NKAIN3: variants seen among roughly 807,000 people sequenced by gnomAD.
The protein encoded by NKAIN3 is sodium/potassium transporting ATPase interacting 3.
A neutral mutation model predicts 30.2 loss-of-function variants in NKAIN3; 25 were observed. The ratio of observed to expected loss-of-function variants is 0.83; its 90% confidence interval spans 0.60 to 1.16. The LOEUF (loss-of-function observed/expected upper bound fraction) is 1.16, where lower values mean the gene tolerates loss of function less well. Among genes scored for constraint, NKAIN3 ranks in the 50% most tolerant of loss-of-function variants. NKAIN3 has a pLI of 0.00. For missense variants in NKAIN3, 225 were observed against 254.1 expected (o/e 0.89, Z 0.78); for synonymous variants, 91 against 89.6 (o/e 1.02, Z -0.09).
chr8:62,677,754 C>T (rs566806834), intron 3 of NKAIN3, among the ~76,000 whole-genome samples: 15 of 152,310 alleles, frequency 9.8e-5, no homozygotes, highest in Admixed American at 3.3e-4. Flanking sequence ...CTCTCACTTC[C>T]GCTCTTCTAG....
intron 1 of NKAIN3, among the ~76,000 whole-genome samples, chr8:62,371,371 C>T (rs893413199): frequency 6.6e-6 from 1 of 151,616 alleles, no homozygotes; most frequent in Non-Finnish European, 1.5e-5. Flanking sequence ...CTTTTTAAAC[C>T]TTCTTGATTA....
intron 1 of NKAIN3, among the ~76,000 whole-genome samples, chr8:62,575,724 G>T (rs1406212502): frequency 6.6e-6 from 1 of 152,044 alleles, no homozygotes; most frequent in Admixed American, 6.6e-5. Context: ...GTACTACAGA[G>T]CTATAGTAAC....
At chr8:62,822,424 C>T (rs1296854207) in intron 4 of NKAIN3, among the ~76,000 whole-genome samples, 4 of 151,978 alleles carry the variant, frequency 2.6e-5, no homozygotes, top group South Asian at 2.1e-4. Flanking sequence ...CAGTCTGACC[C>T]GCATGTACAT....
chr8:62,799,467 G>C (rs1330875010), intron 4 of NKAIN3, among the ~76,000 whole-genome samples: 1 of 152,144 alleles, frequency 6.6e-6, no homozygotes, highest in Non-Finnish European at 1.5e-5. Context: ...CTAATTATCA[G>C]GGAAATGCAA....
At chr8:62,608,486 G>A (rs561587551) in intron 3 of NKAIN3, among the ~76,000 whole-genome samples, 2 of 152,296 alleles carry the variant, frequency 1.3e-5, no homozygotes, top group East Asian at 1.9e-4. Flanking sequence ...AACTGGCACA[G>A]CTCTGAAGTG....
chr8:62,856,482 G>A (rs548248580), intron 4 of NKAIN3: 5 of 784,674 alleles, frequency 6.4e-6, no homozygotes, highest in South Asian at 5.4e-5. Context: ...GTTTCTTCAG[G>A]TGCTTCAAGT....
In NKAIN3 at chr8:62,763,126, C is replaced by A. The variant is rs574914510; in HGVS notation, c.471+15997C>A. On this transcript the variant is annotated intron_variant, in intron 4 of 6. Transcript: ENST00000623646. The stretch of plus-strand genomic sequence containing the variant: ...GTCCCAGCTACTCAGGAGGCTAAGG[C>A]AGGAGAATGGCGTGAACCCAGGAGG... Among the ~76,000 whole-genome samples the A allele has an allele frequency of 2.1e-5, 3 of 143,766 alleles. No individual in the cohort carries two copies. The South Asian group carries it at 6.8e-4, about 33-fold the overall frequency. The allele number at this position is 143,766 out of a possible 152,430, so 94.3% of individuals were successfully genotyped here. A position where few individuals can be genotyped will look rare whatever the true frequency, so the allele number is the denominator to read the frequency against.
At chr8:62,727,390 G>A (rs1815293386) in intron 3 of NKAIN3, among the ~76,000 whole-genome samples, 1 of 151,960 alleles carries the variant, frequency 6.6e-6, no homozygotes, top group Non-Finnish European at 1.5e-5. Flanking sequence ...TATAATGATT[G>A]GAAAGGAAGA....
At chr8:62,989,159 C>T (rs1002040466), downstream of NKAIN3, among the ~76,000 whole-genome samples, 6 of 152,192 alleles carry the variant, frequency 3.9e-5, no homozygotes, top group Non-Finnish European at 8.8e-5. Flanking sequence ...CAAACTTTCT[C>T]ACATCTTCCT....
intron 6 of NKAIN3, among the ~76,000 whole-genome samples, chr8:62,960,838 A>G (rs72656543): frequency 1.1e-4 from 17 of 152,260 alleles, no homozygotes; most frequent in Non-Finnish European, 2.2e-4. Flanking sequence ...CCTTGAGGGC[A>G]GTTACCCTTA....
intron 4 of NKAIN3, among the ~76,000 whole-genome samples, chr8:62,844,549 G>A (rs946516071): frequency 1.3e-5 from 2 of 152,092 alleles, no homozygotes; most frequent in Non-Finnish European, 2.9e-5. Flanking sequence ...AATAGAGTGG[G>A]TCCTCACTCC....
At chr8:62,810,755 C>T (rs1028899606) in intron 4 of NKAIN3, among the ~76,000 whole-genome samples, 2 of 150,586 alleles carry the variant, frequency 1.3e-5, no homozygotes, top group East Asian at 3.9e-4. Context: ...ATGTATTTGC[C>T]ACTCACTTGA....
At chr8:62,725,677 T>C (rs567132040) in intron 3 of NKAIN3, among the ~76,000 whole-genome samples, 1 of 152,254 alleles carries the variant, frequency 6.6e-6, no homozygotes, top group African/African-American at 2.4e-5. Flanking sequence ...TACGGATTTA[T>C]TTCTGGGTTC....
chr8:62,997,062 C>T (rs1377495262), intron 5 of NKAIN3, among the ~76,000 whole-genome samples: 2 of 152,184 alleles, frequency 1.3e-5, no homozygotes, highest in Non-Finnish European at 2.9e-5. Flanking sequence ...TGTGTGGGGG[C>T]TCCAGCGCCA....
At chr8:62,836,157 A>T (rs1054539408) in intron 4 of NKAIN3, among the ~76,000 whole-genome samples, 20 of 152,148 alleles carry the variant, frequency 1.3e-4, no homozygotes, top group African/African-American at 4.6e-4. Context: ...ATAAATATGG[A>T]AACAGTAAAC....
rs142703172 is a variant in NKAIN3, at chr8:62,653,538, C to A, written c.273+63744C>A. Among the ~76,000 whole-genome samples the A allele has an allele frequency of 6.8e-4, 103 of 152,226 alleles. 1 individual carries two copies. The Middle Eastern group carries it at 0.01, about 15-fold the overall frequency. On this transcript the variant is annotated intron_variant, in intron 3 of 6. Coordinates refer to ENST00000623646, the MANE Select transcript of NKAIN3 (RefSeq NM_001304533.3). The stretch of plus-strand genomic sequence containing the variant: ...AAGTTGAAAAAGATCCAGCTCTTCA[C>A]TTCAAAGAAATAAAAATATAAGGGG...
intron 1 of NKAIN3, among the ~76,000 whole-genome samples, chr8:62,394,871 C>T (rs1477100799): frequency 3.2e-5 from 4 of 126,756 alleles, no homozygotes; most frequent in East Asian, 4.9e-4. Flanking sequence ...GTGGGGCGGC[C>T]GGGGGAGGCG....
intron 4 of NKAIN3, among the ~76,000 whole-genome samples, chr8:62,822,687 T>C (rs1382662255): frequency 2.0e-5 from 3 of 152,160 alleles, no homozygotes; most frequent in Non-Finnish European, 4.4e-5. Context: ...ATGTGTACCT[T>C]GAGGAGTCCT....
intron 4 of NKAIN3, chr8:62,856,180 C>G (rs1269545060): frequency 2.6e-6 from 2 of 763,102 alleles, no homozygotes; most frequent in Non-Finnish European, 4.8e-6. Context: ...TAGGCAGAAG[C>G]AAACTTCCTG....
Sources: allele counts gnomAD v4.1 joint callset (sites outside exome capture counted in the v4.1 genomes callset), GRCh38; gene constraint gnomAD v4.1.1; transcripts MANE v1.5; gene names NCBI Gene and HGNC (gene_info 2026-07-23, HGNC 2026-07-21).